Variants in PSEN2 observed in about 807,000 individuals in gnomAD.
The protein encoded by PSEN2 is presenilin-2.
PSEN2 carries 32 observed loss-of-function variants against 49.1 expected under a neutral mutation model. That is an observed-to-expected ratio of 0.65 (90% CI 0.49 to 0.88). The LOEUF (loss-of-function observed/expected upper bound fraction) is 0.88, where lower values mean the gene tolerates loss of function less well. Ranked by LOEUF, PSEN2 falls within the 40% of genes least tolerant of loss-of-function variation. The pLI is 0.00. For synonymous variants in PSEN2, 255 were observed against 244.0 expected (o/e 1.05, Z -0.42); for missense variants, 522 against 586.9 (o/e 0.89, Z 1.14).
Position 226,881,849 on chromosome 1 carries a change from C to CAGGAAAGTGG in PSEN2, c.-20-37_-20-28dup, listed in dbSNP as rs778879297. The CAGGAAAGTGG allele has an allele frequency of 1.9e-6, 3 of 1,613,588 alleles. No homozygotes were observed. In the East Asian group the frequency reaches 6.7e-5, roughly 36 times the overall value. ...TGAGTCCTCCACTGCCTTTGTCTCA[C>CAGGAAAGTGG]AGGAAAGTGGAACAAGGTCCTTGTG... On this transcript the variant is annotated intron_variant, in intron 3 of 12. Transcript: ENST00000366783.
intron 3 of PSEN2, among the ~76,000 whole-genome samples, chr1:226,877,780 T>G (rs995606667): frequency 1.3e-5 from 2 of 152,248 alleles, no homozygotes; most frequent in Non-Finnish European, 2.9e-5. Context: ...GGAGGCCGCA[T>G]GTATGAATGA....
rs1661322058 is a variant in PSEN2 at position 226,885,748 on chromosome 1, G to A, written c.498+69G>A. On this transcript the variant is annotated intron_variant, in intron 6 of 12. Transcript: ENST00000366783. Reference sequence around the variant, plus strand: ...GCCCCACACCATGGCGGCAGGGCCCGTGAAACAGCCGCCTTTAGAAAAACA... The same window carrying A: ...GCCCCACACCATGGCGGCAGGGCCCATGAAACAGCCGCCTTTAGAAAAACA... 6.3e-6 allele frequency: 10 copies of A among 1,582,640 alleles called. 1 individual carries two copies. The highest frequency in any genetic ancestry group is 2.2e-5 in the South Asian group (2 of 90,368).
At position 226,890,527 on chromosome 1, in the gene PSEN2, G is replaced by A. The variant is rs41314274; in HGVS notation, c.886+394G>A. On this transcript the variant is annotated intron_variant, in intron 9 of 12. Coordinates refer to ENST00000366783, the MANE Select transcript of PSEN2 (RefSeq NM_000447.3). ...TCTGGGCTTCCTTGACAGCAGCGTG[G>A]CTGATTGGCATTAATCCTAACTGAA... is the stretch of plus-strand genomic sequence containing the variant. The A allele has an allele frequency of 5.8e-3, 1,854 of 317,254 alleles. 11 individuals carry two copies. Among genetic ancestry groups the A allele is most frequent in the Non-Finnish European group, 8.5e-3 (1,382 of 162,300 alleles). 19.7% of individuals were successfully genotyped at this position (317,254 alleles called of 1,614,324 possible). A position where few individuals can be genotyped will look rare whatever the true frequency, so the allele number is the denominator to read the frequency against.
intron 1 of PSEN2, chr1:226,871,003 G>C (rs1158391901): frequency 2.6e-5 from 4 of 152,360 alleles, no homozygotes; most frequent in Non-Finnish European, 5.9e-5. Context: ...CGGCGCGAGC[G>C]GTTAAAGGGC....
chr1:226,871,543 G>A (rs1660293115), intron 2 of PSEN2, 139 bp downstream of exon 2: 1 of 152,246 alleles, frequency 6.6e-6, no homozygotes, highest in African/African-American at 2.4e-5. Flanking sequence ...GTTGAGTGAA[G>A]TAACTGCATC....
chr1:226,888,961 C>G lies in PSEN2; in HGVS notation c.699C>G (p.Ile233Met), dbSNP rs750424014. Residue 233 changes from isoleucine to methionine, a missense_variant, in exon 8 of 13, where the codon ATC becomes ATG. Physicochemically the swap from Ile to Met is conservative, Grantham distance 10. Transcript: ENST00000366783. Reference protein sequence around the residue: ...GPLVLQQAYLIMISALMALVF... With the variant: ...GPLVLQQAYLMMISALMALVF... Reference sequence around the variant, plus strand: ...TGGTGCTGCAGCAGGCCTACCTCATCATGATCAGTGCGCTCATGGCCCTAG... The same window carrying G: ...TGGTGCTGCAGCAGGCCTACCTCATGATGATCAGTGCGCTCATGGCCCTAG... 1 of 1,614,200 alleles carries G rather than the reference C, an allele frequency of 6.2e-7. No individual in the cohort carries two copies. Among genetic ancestry groups the G allele is most frequent in the Non-Finnish European group, 8.5e-7 (1 of 1,180,040 alleles).
intron 12 of PSEN2, among the ~76,000 whole-genome samples, chr1:226,901,776 G>C (rs1357629528): frequency 6.6e-6 from 1 of 152,196 alleles, no homozygotes; most frequent in Non-Finnish European, 1.5e-5. Context: ...TGACCAAAAA[G>C]GGGAAGATAA....
rs1571955906 is a variant in PSEN2, at chr1:226,886,125, C to T, written c.498+446C>T. On this transcript the variant is annotated intron_variant, in intron 6 of 12. Coordinates refer to ENST00000366783, the MANE Select transcript of PSEN2 (RefSeq NM_000447.3). ...CTCAAGTGATCTCCCACCTTGGCCT[C>T]CCAAAGTTCTGGGATTACATGTGTG... Among the ~76,000 whole-genome samples, 6 of 151,052 alleles carry T rather than the reference C, an allele frequency of 4.0e-5. No individual in the cohort carries two copies. The East Asian group carries it at 9.7e-4, about 24-fold the overall frequency.
intron 6 of PSEN2, among the ~76,000 whole-genome samples, chr1:226,886,302 G>A (rs1661360053): frequency 6.6e-6 from 1 of 152,126 alleles, no homozygotes; most frequent in Non-Finnish European, 1.5e-5. Context: ...CCCTCACCCC[G>A]ATACTTCCCC....
At chr1:226,881,242 T>G (rs1660966818) in intron 3 of PSEN2, among the ~76,000 whole-genome samples, 1 of 152,184 alleles carries the variant, frequency 6.6e-6, no homozygotes, top group Non-Finnish European at 1.5e-5. Context: ...AAGATTGTCC[T>G]CAGGGTGATG....
intron 3 of PSEN2, among the ~76,000 whole-genome samples, chr1:226,880,255 C>T (rs983855057): frequency 1.3e-5 from 2 of 151,804 alleles, no homozygotes; most frequent in East Asian, 1.9e-4. Flanking sequence ...CGTGCATCTG[C>T]AGCCCTAGCT....
At chr1:226,876,837 A>C (rs538122490) in intron 3 of PSEN2, among the ~76,000 whole-genome samples, 1 of 152,246 alleles carries the variant, frequency 6.6e-6, no homozygotes, top group South Asian at 2.1e-4. Context: ...TACTCCTTTC[A>C]GTTAAGGCCA....
At chr1:226,888,270 C>G in intron 7 of PSEN2, 112 bp downstream of exon 7, 1 of 1,028,314 alleles carries the variant, frequency 9.7e-7, no homozygotes, top group South Asian at 1.3e-5. Flanking sequence ...TCCAGTCTTC[C>G]CCAGTGCCAG....
chr1:226,872,290 G>A (rs1163376196), intron 2 of PSEN2, among the ~76,000 whole-genome samples: 1 of 152,216 alleles, frequency 6.6e-6, no homozygotes, highest in Non-Finnish European at 1.5e-5. Context: ...TCTCGCTTAT[G>A]AGTTGGTCAT....
At chr1:226,874,804 C>T (rs1660531073) in intron 2 of PSEN2, among the ~76,000 whole-genome samples, 1 of 152,216 alleles carries the variant, frequency 6.6e-6, no homozygotes, top group Non-Finnish European at 1.5e-5. Context: ...TGTCTGAGGC[C>T]TCTTGGCCAG....
downstream of PSEN2, chr1:226,899,468 G>A (rs1156438685): frequency 6.6e-6 from 1 of 152,238 alleles, no homozygotes. Context: ...GCCTCACCAG[G>A]TGATTGAAGC....
intron 5 of PSEN2, among the ~76,000 whole-genome samples, chr1:226,884,167 AC>A (rs1403634074): frequency 6.6e-6 from 1 of 152,224 alleles, no homozygotes; most frequent in Non-Finnish European, 1.5e-5. Context: ...TAACGCAGTT[AC>A]TGGGAGAATT....
chr1:226,902,843 G>C (rs758149583), intron 12 of PSEN2, among the ~76,000 whole-genome samples: 1 of 152,156 alleles, frequency 6.6e-6, no homozygotes, highest in Non-Finnish European at 1.5e-5. Flanking sequence ...GAGATGGACA[G>C]CCAGGAGACC....
At chr1:226,874,704 T>C (rs1164173807) in intron 2 of PSEN2, among the ~76,000 whole-genome samples, 1 of 152,232 alleles carries the variant, frequency 6.6e-6, no homozygotes, top group Non-Finnish European at 1.5e-5. Context: ...CTGGACACTT[T>C]ACAGGTTATC....
Sources: gnomAD v4.1 joint callset for allele counts (sites outside exome capture counted in the v4.1 genomes callset) on GRCh38, gnomAD v4.1.1 for gene constraint, MANE v1.5 for transcripts, NCBI Gene and HGNC (gene_info 2026-07-23, HGNC 2026-07-21) for gene names.